MBNL1: variants seen among roughly 807,000 people sequenced by gnomAD.
The protein encoded by MBNL1 is muscleblind like splicing regulator 1.
Under a neutral mutation model 42.2 loss-of-function variants are expected in MBNL1, and 8 were observed. The observed-to-expected ratio is 0.19, with a 90% CI of 0.11 to 0.34. The LOEUF is 0.34. MBNL1 is among the 10% of genes least tolerant of loss of function. MBNL1 has a pLI of 1.00. For synonymous variants in MBNL1, 169 were observed against 173.9 expected (o/e 0.97, Z 0.22); for missense variants, 309 against 495.3 (o/e 0.62, Z 3.57).
At chr3:152,259,093 A>T (rs2035869443) in intron 2 of MBNL1, among the ~76,000 whole-genome samples, 1 of 152,260 alleles carries the variant, frequency 6.6e-6, no homozygotes, top group Non-Finnish European at 1.5e-5. Context: ...CTCCATAAAG[A>T]GAGAGGTCCA....
intron 2 of MBNL1, among the ~76,000 whole-genome samples, chr3:152,248,010 T>C (rs1238832819): frequency 6.6e-6 from 1 of 151,960 alleles, no homozygotes; most frequent in African/African-American, 2.4e-5. Context: ...TTTTTTTTAA[T>C]ATGTAGTGGT....
chr3:152,399,179 G>C (rs1363555519), intron 2 of MBNL1, among the ~76,000 whole-genome samples: 1 of 152,146 alleles, frequency 6.6e-6, no homozygotes, highest in South Asian at 2.1e-4. Flanking sequence ...TCACCATACA[G>C]TAGGTGAATA....
chr3:152,426,110 ACATCT>A (rs1438759048), intron 3 of MBNL1, among the ~76,000 whole-genome samples: 2 of 150,816 alleles, frequency 1.3e-5, no homozygotes, highest in Non-Finnish European at 2.9e-5. Context: ...AGAAAACCAA[ACATCT>A]CATGTTCTCA....
At chr3:152,405,139 C>G (rs1463385446) in intron 2 of MBNL1, among the ~76,000 whole-genome samples, 1 of 152,146 alleles carries the variant, frequency 6.6e-6, no homozygotes, top group African/African-American at 2.4e-5. Flanking sequence ...TTGAAGACTT[C>G]CATTTGGTTC....
chr3:152,249,492 G>C (rs1415636875), intron 2 of MBNL1, among the ~76,000 whole-genome samples: 3 of 103,876 alleles, frequency 2.9e-5, no homozygotes, highest in South Asian at 3.5e-4. Context: ...AAATTTGTTT[G>C]AGTTCATTGT....
At chr3:152,373,123 C>A (rs2096744309) in intron 2 of MBNL1, among the ~76,000 whole-genome samples, 1 of 152,068 alleles carries the variant, frequency 6.6e-6, no homozygotes. Context: ...CTACTCAAGC[C>A]TCAGTAATGG....
At chr3:152,434,045 T>C (rs539553508) in intron 4 of MBNL1, among the ~76,000 whole-genome samples, 2 of 152,296 alleles carry the variant, frequency 1.3e-5, no homozygotes, top group East Asian at 3.9e-4. Flanking sequence ...GATGAGGCAA[T>C]ATATTTTTTT....
In MBNL1 at chr3:152,356,235, T is replaced by TA. The variant is rs996760228; in HGVS notation, c.174+55879dup. On this transcript the variant is annotated intron_variant, in intron 2 of 9. Coordinates refer to ENST00000324210, the MANE Select transcript of MBNL1 (RefSeq NM_021038.5). ...AAATATCCCAGCACACTTTTTTAAT[T>TA]AAAAAAAAAAAGCACCCGAAAAACT... is the stretch of plus-strand genomic sequence containing the variant. Among the ~76,000 whole-genome samples, 1,027 of 143,138 alleles carry TA rather than the reference T, an allele frequency of 7.2e-3. 10 individuals are homozygous for TA. Among genetic ancestry groups the TA allele is most frequent in the African/African-American group, 0.024 (941 of 39,002 alleles). 93.9% of individuals were successfully genotyped at this position (143,138 alleles called of 152,430 possible).
chr3:152,456,072 C>G (rs1429931865), intron 7 of MBNL1, among the ~76,000 whole-genome samples, 195 bp from the exon 8 acceptor site: 1 of 151,732 alleles, frequency 6.6e-6, no homozygotes, highest in African/African-American at 2.4e-5. Flanking sequence ...TCTCTTTCAT[C>G]CCTCCTCCCC....
chr3:152,447,137 A>G (rs1385478559), intron 5 of MBNL1, among the ~76,000 whole-genome samples: 1 of 152,234 alleles, frequency 6.6e-6, no homozygotes, highest in Non-Finnish European at 1.5e-5. Flanking sequence ...ATTTAAGGAA[A>G]AAAACTTGCA....
At chr3:152,277,369 G>A (rs2045870659) in intron 1 of MBNL1, among the ~76,000 whole-genome samples, 1 of 152,158 alleles carries the variant, frequency 6.6e-6, no homozygotes, top group African/African-American at 2.4e-5. Flanking sequence ...CAGAATGCCT[G>A]TGTAACCTAT....
intron 2 of MBNL1, among the ~76,000 whole-genome samples, chr3:152,390,190 C>T (rs2097647180): frequency 6.6e-6 from 1 of 150,746 alleles, no homozygotes; most frequent in Non-Finnish European, 1.5e-5. Context: ...TGTAATAACA[C>T]TTAGCTTAAA....
intron 4 of MBNL1, among the ~76,000 whole-genome samples, chr3:152,433,704 C>T (rs1442278207): frequency 2.7e-5 from 4 of 148,244 alleles, no homozygotes; most frequent in Non-Finnish European, 5.9e-5. Context: ...GAGCCGAGAT[C>T]GCGCCACTGC....
At chr3:152,324,531 C>T (rs572473260) in intron 2 of MBNL1, among the ~76,000 whole-genome samples, 21 of 152,222 alleles carry the variant, frequency 1.4e-4, no homozygotes, top group Middle Eastern at 3.4e-3. Context: ...ATGGTGAGAG[C>T]GTTTACACTT....
intron 2 of MBNL1, chr3:152,300,879 A>T: frequency 1.1e-6 from 1 of 943,678 alleles, no homozygotes; most frequent in Non-Finnish European, 1.3e-6. Flanking sequence ...TTTTATTTTC[A>T]GGCCAGAGCC....
At chr3:152,312,905 A>G (rs1423526487) in intron 2 of MBNL1, among the ~76,000 whole-genome samples, 3 of 152,198 alleles carry the variant, frequency 2.0e-5, no homozygotes, top group African/African-American at 4.8e-5. Context: ...CGACAGGAAT[A>G]ATGACAATGT....
rs146829842 is a variant in MBNL1, at chr3:152,455,525, C to G, written c.962-17C>G. 6.2e-7 allele frequency: 1 copy of G among 1,609,930 alleles called. No individual in the cohort carries two copies. Among genetic ancestry groups the G allele is most frequent in the East Asian group, 2.2e-5 (1 of 44,802 alleles). On this transcript the variant is annotated splice_polypyrimidine_tract_variant and intron_variant, in intron 6 of 9. Coordinates refer to ENST00000324210, the MANE Select transcript of MBNL1 (RefSeq NM_021038.5). ...CCTTTTCAAATCCACCTTCCTGTTG[C>G]AATGCATGATGGGCAGGCTCAATAT...
At chr3:152,386,868 A>T (rs570979731) in intron 2 of MBNL1, among the ~76,000 whole-genome samples, 1 of 152,148 alleles carries the variant, frequency 6.6e-6, no homozygotes, top group Non-Finnish European at 1.5e-5. Context: ...CTTTAATAGT[A>T]TAGGTTGATT....
chr3:152,451,310 C>CT (rs1481819155), intron 6 of MBNL1, among the ~76,000 whole-genome samples: 7 of 152,296 alleles, frequency 4.6e-5, no homozygotes, highest in Non-Finnish European at 1.0e-4. Flanking sequence ...TTACTACATA[C>CT]TTTAACTTTT....
Sources: allele counts gnomAD v4.1 joint callset (sites outside exome capture counted in the v4.1 genomes callset), GRCh38; gene constraint gnomAD v4.1.1; transcripts MANE v1.5; gene names NCBI Gene and HGNC (gene_info 2026-07-23, HGNC 2026-07-21).